Variants in TCF20 observed in about 807,000 individuals in gnomAD.
TCF20 encodes the protein SPRE-binding protein.
In TCF20, 3 loss-of-function variants were observed where a neutral mutation model predicts 148.6. That is an observed-to-expected ratio of 0.02 (90% CI 0.01 to 0.05). The LOEUF (loss-of-function observed/expected upper bound fraction) is 0.05, where lower values mean the gene tolerates loss of function less well. Ranked by LOEUF, TCF20 falls within the 10% of genes least tolerant of loss-of-function variation. The pLI, the probability that TCF20 is intolerant of heterozygous loss-of-function variation, is 1.00. For synonymous variants in TCF20, 1,049 were observed against 909.5 expected, an observed-to-expected ratio of 1.15 and a Z score of -2.76; for missense variants, 2,350 against 2,429.3, an observed-to-expected ratio of 0.97 and a Z score of 0.69.
intron 1 of TCF20, among the ~76,000 whole-genome samples, chr22:42,310,522 A>C (rs922517120): frequency 6.6e-6 from 1 of 152,188 alleles, no homozygotes; most frequent in Non-Finnish European, 1.5e-5. Context: ...CAGAGGAAGC[A>C]GTGTTTCAGC....
Position 42,160,537 on chromosome 22 carries a change from G to C in TCF20, c.*866C>G, listed in dbSNP as rs1935373249. On this transcript the variant is annotated 3_prime_UTR_variant, in exon 6 of 6. Transcript: ENST00000677622. ...GTCATCCCTTGATTTTGCTGCTGCTGTGTACACTTGATGGGGTCCTTGAGG... is the reference window on the plus strand; with the variant it reads ...GTCATCCCTTGATTTTGCTGCTGCTCTGTACACTTGATGGGGTCCTTGAGG... The C allele has an allele frequency of 6.6e-6, 1 of 152,446 alleles. No individual in the cohort carries two copies. Among genetic ancestry groups the C allele is most frequent in the Admixed American group, 6.6e-5 (1 of 15,244 alleles). 9.4% of individuals were successfully genotyped at this position (152,446 alleles called of 1,614,324 possible).
At chr22:42,303,386 T>C (rs1321961909) in intron 1 of TCF20, among the ~76,000 whole-genome samples, 4 of 152,200 alleles carry the variant, frequency 2.6e-5, no homozygotes, top group African/African-American at 9.6e-5. Flanking sequence ...TTGCCCCAGA[T>C]CAGACAGAAA....
In TCF20 at chr22:42,209,795, C is replaced by T; in HGVS notation, c.5511G>A (p.Glu1837=). The T allele has an allele frequency of 6.2e-7, 1 of 1,614,222 alleles. No homozygotes were observed. The part of the protein sequence containing the change: ...SVPTTSEGGP[E]LELQIPELPL... ...GTAGTTCAGGGATTTGTAACTCCAG[C>T]TCAGGGCCACCTTCTGAAGTGGTGG... The change falls in exon 2 of 6, where the codon GAG becomes GAA. Residue 1837 remains glutamate, a synonymous_variant. Coordinates refer to ENST00000677622, the MANE Select transcript of TCF20 (RefSeq NM_001378418.1).
intron 3 of TCF20, among the ~76,000 whole-genome samples, chr22:42,171,936 G>C (rs1315101452): frequency 1.3e-5 from 2 of 152,358 alleles, no homozygotes; most frequent in East Asian, 1.9e-4. Flanking sequence ...CACGGCCACA[G>C]AACAGTGACC....
At chr22:42,186,942 T>C (rs555301859) in intron 2 of TCF20, among the ~76,000 whole-genome samples, 20 of 152,322 alleles carry the variant, frequency 1.3e-4, no homozygotes, top group African/African-American at 4.3e-4. Flanking sequence ...TGAGCACAAC[T>C]AGAATGAGAA....
chr22:42,165,905 A>C (rs1935754635), intron 5 of TCF20, among the ~76,000 whole-genome samples: 1 of 152,210 alleles, frequency 6.6e-6, no homozygotes, highest in Non-Finnish European at 1.5e-5. Flanking sequence ...CTGTCAGAAC[A>C]TGGCGCACTA....
Position 42,211,116 on chromosome 22 carries a change from C to T in TCF20, c.4190G>A (p.Ser1397Asn), listed in dbSNP as rs1260762457. 1.2e-6 allele frequency: 2 copies of T among 1,614,234 alleles called. No individual in the cohort carries two copies. Among genetic ancestry groups the T allele is most frequent in the Admixed American group, 1.7e-5 (1 of 60,028 alleles). The change falls in exon 2 of 6, where the codon AGT (serine) becomes AAT (asparagine). Residue 1397 changes from serine (S) to asparagine (N), a missense_variant. By Grantham distance (46) the Ser-to-Asn change is conservative (BLOSUM62 1). This residue lies in a region of TCF20 where 231 missense variants were observed against 213.7 expected (regional missense o/e 1.08). Coordinates refer to ENST00000677622, the MANE Select transcript of TCF20 (RefSeq NM_001378418.1). Reference protein sequence around the residue: ...SLKSGPPEGGSVAVQDADIEK... With the variant: ...SLKSGPPEGGNVAVQDADIEK... ...TATGTCAGCATCCTGAACAGCAACA[C>T]TCCCACCTTCAGGAGGACCACTCTT...
chr22:42,319,385 G>C (rs5751262), intron 1 of TCF20, among the ~76,000 whole-genome samples: 30,234 of 152,148 alleles, frequency 0.2, 3,775 homozygotes, highest in Admixed American at 0.28. Flanking sequence ...ACTCCTGCCT[G>C]GGCAGCCATG....
rs1254238350 is a variant in TCF20, at chr22:42,214,666, G to T, written c.640C>A (p.Pro214Thr). 6.2e-7 allele frequency: 1 copy of T among 1,614,166 alleles called. No homozygotes were observed. Among genetic ancestry groups the T allele is most frequent in the Non-Finnish European group, 8.5e-7 (1 of 1,180,032 alleles). The change falls in exon 2 of 6, where the codon CCC becomes ACC. Residue 214 changes from proline (P) to threonine (T), a missense_variant. Transcript: ENST00000677622. ...SSSHLQPMQRPSTLPSSAAGY... is the reference protein window; with the variant it reads ...SSSHLQPMQRTSTLPSSAAGY... ...GCAGCAGAGGATGGCAGAGTTGAGG[G>T]CCGCTGCATTGGCTGTAGATGGGAT...
At chr22:42,320,908 G>A (rs371027747) in intron 1 of TCF20, among the ~76,000 whole-genome samples, 2 of 152,162 alleles carry the variant, frequency 1.3e-5, no homozygotes, top group South Asian at 2.1e-4. Flanking sequence ...AGCAACCAGC[G>A]CCAGGCACAC....
rs541444947 is a variant in TCF20, at chr22:42,188,566, T to C, written c.5656-8864A>G. Among the ~76,000 whole-genome samples the C allele has an allele frequency of 7.2e-5, 11 of 152,230 alleles. No individual in the cohort carries two copies. In the East Asian group the frequency reaches 1.5e-3, roughly 21 times the overall value. On this transcript the variant is annotated intron_variant, in intron 2 of 5. Transcript: ENST00000677622. Reference sequence around the variant, plus strand: ...AGCATAAAACTGCATGTCCAGAAAGTAGAAACATGGGTTGGATGAAAATTA... The same window carrying C: ...AGCATAAAACTGCATGTCCAGAAAGCAGAAACATGGGTTGGATGAAAATTA...
rs976567515 is a variant in TCF20, at chr22:42,299,500, A to G, written c.-37+43979T>C. Among the ~76,000 whole-genome samples, 3 of 152,238 alleles carry G rather than the reference A, an allele frequency of 2.0e-5. No individual in the cohort carries two copies. Among genetic ancestry groups the G allele is most frequent in the African/African-American group, 7.2e-5 (3 of 41,466 alleles). On this transcript the variant is annotated intron_variant, in intron 1 of 1. Transcript: ENST00000515426. This position sits in a 1 kb window ranked among gnomAD's most constrained non-coding sequence, Gnocchi z 4.1. ...AAAGGGGCCTCAAGGCCTCATGAAC[A>G]GAACATGCTGGCAGTGGTGGGTCAC... is the stretch of plus-strand genomic sequence containing the variant.
At chr22:42,289,500 G>GA (rs1466835465) in intron 1 of TCF20, among the ~76,000 whole-genome samples, 1 of 152,162 alleles carries the variant, frequency 6.6e-6, no homozygotes, top group African/African-American at 2.4e-5. Context: ...CATGAAGTGG[G>GA]AAAAATAATA....
chr22:42,313,072 G>C (rs1315500186), intron 1 of TCF20, among the ~76,000 whole-genome samples: 1 of 152,156 alleles, frequency 6.6e-6, no homozygotes, highest in Non-Finnish European at 1.5e-5. Context: ...TGTGGACCCT[G>C]GACAAGCCTC....
chr22:42,304,229 C>T (rs1020261389), intron 1 of TCF20, among the ~76,000 whole-genome samples: 1 of 152,234 alleles, frequency 6.6e-6, no homozygotes, highest in Non-Finnish European at 1.5e-5. Flanking sequence ...CACCCCCGCC[C>T]CGCCTTAGCT....
intron 3 of TCF20, among the ~76,000 whole-genome samples, chr22:42,177,029 C>T (rs745752164): frequency 4.6e-5 from 7 of 152,082 alleles, no homozygotes; most frequent in Non-Finnish European, 7.4e-5. Flanking sequence ...TTGTTTGAGA[C>T]GATGGATTTG....
chr22:42,225,384 G>A (rs1922783454), intron 1 of TCF20, among the ~76,000 whole-genome samples: 1 of 151,620 alleles, frequency 6.6e-6, no homozygotes, highest in African/African-American at 2.4e-5. Context: ...GGAGGCCGAG[G>A]CGGGTGGATC....
chr22:42,309,327 T>G (rs1927491042), intron 1 of TCF20, among the ~76,000 whole-genome samples: 1 of 151,734 alleles, frequency 6.6e-6, no homozygotes, highest in African/African-American at 2.4e-5. Context: ...GGGAACAGGG[T>G]AGGCTAGACA....
chr22:42,319,956 C>G (rs545531159), intron 1 of TCF20, among the ~76,000 whole-genome samples: 2 of 152,232 alleles, frequency 1.3e-5, no homozygotes, highest in Non-Finnish European at 2.9e-5. Flanking sequence ...CCCTGAGCCC[C>G]CAGATCCTGC....
Sources: gnomAD v4.1 joint callset for allele counts (sites outside exome capture counted in the v4.1 genomes callset) on GRCh38, gnomAD v4.1.1 for gene constraint, gnomAD v4.1.1 regional missense constraint, Gnocchi (gnomAD v3.1) non-coding constraint, MANE v1.5 for transcripts, NCBI Gene and HGNC (gene_info 2026-07-23, HGNC 2026-07-21) for gene names.